The following CIT variants were observed in gnomAD, a reference collection of about 807,000 sequenced individuals.
The protein encoded by CIT is citron rho-interacting serine/threonine kinase, also known as citron Rho-interacting kinase.
CIT carries 79 observed loss-of-function variants against 272.7 expected under a neutral mutation model. The observed-to-expected ratio is 0.29, with a 90% CI of 0.24 to 0.35. The LOEUF is 0.35. CIT is among the 10% of genes least tolerant of loss of function. The pLI is 1.00. For synonymous variants in CIT, 948 were observed against 995.6 expected (o/e 0.95, Z 0.90); for missense variants, 1,909 against 2,618.3 (o/e 0.73, Z 5.91).
intron 28 of CIT, among the ~76,000 whole-genome samples, chr12:119,724,704 C>A (rs1337238068): frequency 6.6e-6 from 1 of 151,998 alleles, no homozygotes; most frequent in Non-Finnish European, 1.5e-5. Context: ...CTTTGGGAGG[C>A]CAAGGTGGGT....
chr12:119,700,688 T>C, intron 44 of CIT, 57 bp downstream of exon 44: 6 of 1,457,322 alleles, frequency 4.1e-6, no homozygotes, highest in Non-Finnish European at 4.8e-6. Flanking sequence ...GATGCAATTC[T>C]TTTCCAGGAC....
chr12:119,790,620 G>C (rs1391651399), intron 10 of CIT, among the ~76,000 whole-genome samples: 1 of 152,128 alleles, frequency 6.6e-6, no homozygotes, highest in African/African-American at 2.4e-5. Flanking sequence ...ACAGAGAAGA[G>C]AATATAAAAG....
intron 23 of CIT, among the ~76,000 whole-genome samples, chr12:119,746,114 C>T (rs1025051476): frequency 6.6e-6 from 1 of 152,170 alleles, no homozygotes; most frequent in Non-Finnish European, 1.5e-5. Flanking sequence ...ACACAACCCC[C>T]TTTAGTGTCT....
chr12:119,794,828 T>G (rs1965603006), intron 10 of CIT, among the ~76,000 whole-genome samples: 2 of 152,268 alleles, frequency 1.3e-5, no homozygotes, highest in South Asian at 4.1e-4. Context: ...AAATATGAAA[T>G]GAACACTCAT....
At chr12:119,734,516 G>A in intron 25 of CIT, 159 bp from the exon 26 acceptor site, 1 of 735,032 alleles carries the variant, frequency 1.4e-6, no homozygotes, top group Non-Finnish European at 2.3e-6. Flanking sequence ...AGGCAAGAAT[G>A]GATGAAGGGC....
chr12:119,838,034 C>T (rs1969129666), intron 5 of CIT, among the ~76,000 whole-genome samples: 1 of 152,148 alleles, frequency 6.6e-6, no homozygotes, highest in African/African-American at 2.4e-5. Context: ...TCCCCGACTC[C>T]ATAAAGCTGA....
At chr12:119,757,887 A>C (rs278137) in intron 21 of CIT, among the ~76,000 whole-genome samples, 128,543 of 152,064 alleles carry the variant, frequency 0.85, 54,811 homozygotes, top group African/African-American at 0.93. Flanking sequence ...CCTTAGATTA[A>C]TGTACAAGGG....
chr12:119,854,774 C>CA (rs1346346181), intron 4 of CIT, among the ~76,000 whole-genome samples: 1 of 140,012 alleles, frequency 7.1e-6, no homozygotes, highest in Non-Finnish European at 1.6e-5. Context: ...CATGGTGAAA[C>CA]CCCCCCTCTG....
At chr12:119,700,969 T>C (rs890162267) in intron 43 of CIT, 144 bp from the exon 44 acceptor site, 2 of 518,452 alleles carry the variant, frequency 3.9e-6, no homozygotes, top group African/African-American at 3.9e-5. Context: ...GGCCCTCTGC[T>C]GAGCCAGCTC....
chr12:119,832,951 CTTTG>C (rs1968748243), intron 6 of CIT, 87 bp from the exon 7 acceptor site: 1 of 949,612 alleles, frequency 1.1e-6, no homozygotes, highest in African/African-American at 1.6e-5. Context: ...AGCCAAAAAT[CTTTG>C]TTTATGTATT....
intron 10 of CIT, among the ~76,000 whole-genome samples, chr12:119,799,127 G>A (rs1965979084): frequency 6.6e-6 from 1 of 152,110 alleles, no homozygotes; most frequent in Non-Finnish European, 1.5e-5. Context: ...AAGTCCCAGG[G>A]CCTGGGAAGC....
At position 119,710,890 on chromosome 12, in the gene CIT, G is replaced by T; in HGVS notation, c.4855-270C>A. 2 of 635,176 alleles carry T rather than the reference G, an allele frequency of 3.1e-6. No homozygotes were observed. Among genetic ancestry groups the T allele is most frequent in the Non-Finnish European group, 5.1e-6 (2 of 391,524 alleles). 39.3% of individuals were successfully genotyped at this position (635,176 alleles called of 1,614,324 possible). On this transcript the variant is annotated intron_variant, in intron 37 of 47. Transcript: ENST00000392521. This position sits in a 1 kb window ranked among gnomAD's most constrained non-coding sequence, Gnocchi z 5.6. ...AGAAATAAGGGAGGGTAGTAGACAT[G>T]GAAAGCTATTCTGTAATAAGAAATA...
At chr12:119,787,763 A>C (rs868609113) in intron 10 of CIT, among the ~76,000 whole-genome samples, 1 of 49,834 alleles carries the variant, frequency 2.0e-5, no homozygotes, top group African/African-American at 5.1e-5. Flanking sequence ...AATAAATTTA[A>C]AAAAAAAAGA....
chr12:119,693,525 G>C (rs994464874), intron 46 of CIT, among the ~76,000 whole-genome samples: 1 of 152,152 alleles, frequency 6.6e-6, no homozygotes, highest in Admixed American at 6.5e-5. Flanking sequence ...AAGGTGCCTG[G>C]CCACCTATCC....
chr12:119,858,385 T>G (rs1950231161), intron 3 of CIT, among the ~76,000 whole-genome samples: 1 of 151,738 alleles, frequency 6.6e-6, no homozygotes, highest in African/African-American at 2.4e-5. Flanking sequence ...GGTGTTGTGG[T>G]GCACGCCTGT....
rs926281458 is a variant in CIT at position 119,728,981 on chromosome 12, C to T, written c.3487-375G>A. On this transcript the variant is annotated intron_variant, in intron 27 of 47. Coordinates refer to ENST00000392521, the MANE Select transcript of CIT (RefSeq NM_001206999.2). The surrounding 1 kb of genome is among the most constrained non-coding windows in gnomAD (Gnocchi z 4.3). ...GATAACCAAGCTCTCAAGGATCTTA[C>T]GTCAAGTCAGAAAGGCCCATAACTA... Among the ~76,000 whole-genome samples the T allele has an allele frequency of 3.9e-5, 6 of 152,152 alleles. No homozygotes were observed. The highest frequency in any genetic ancestry group is 7.2e-5 in the African/African-American group (3 of 41,438).
At position 119,822,877 on chromosome 12, in the gene CIT, C is replaced by T. The variant is rs779191181; in HGVS notation, c.1054G>A (p.Glu352Lys). 63 of 1,614,164 alleles carry T rather than the reference C, an allele frequency of 3.9e-5. 1 individual carries two copies. In the South Asian group the frequency reaches 6.5e-4, roughly 17 times the overall value. Residue 352 changes from glutamate (E) to lysine (K), a missense_variant, in exon 9 of 48, where the codon GAA (glutamate) becomes AAA (lysine). Glu to Lys is a moderately conservative substitution (Grantham distance 56). Coordinates refer to ENST00000392521, the MANE Select transcript of CIT (RefSeq NM_001206999.2). Reference protein sequence around the residue: ...LCGQKERLKFEGLCCHPFFSK... With the variant: ...LCGQKERLKFKGLCCHPFFSK... Reference sequence around the variant, plus strand: ...AAGAAAGGATGGCAGCAAAGACCTTCAAACTTCAGTCTCTCTTTCTGGCCG... The same window carrying T: ...AAGAAAGGATGGCAGCAAAGACCTTTAAACTTCAGTCTCTCTTTCTGGCCG...
intron 3 of CIT, among the ~76,000 whole-genome samples, chr12:119,862,967 AGACGAGGCCGGCG>A (rs2138351748): frequency 6.7e-6 from 1 of 149,518 alleles, no homozygotes; most frequent in South Asian, 2.1e-4. Flanking sequence ...TTTGGGAAAA[AGACGAGGCCGGCG>A]GATCACAAGG....
intron 10 of CIT, among the ~76,000 whole-genome samples, chr12:119,787,419 A>G (rs1398211792): frequency 7.2e-6 from 1 of 138,662 alleles, no homozygotes; most frequent in Non-Finnish European, 1.5e-5. Flanking sequence ...TAACACAGCA[A>G]GACCTTGTCT....
Sources: gnomAD v4.1 joint callset for allele counts (sites outside exome capture counted in the v4.1 genomes callset) on GRCh38, gnomAD v4.1.1 for gene constraint, Gnocchi (gnomAD v3.1) non-coding constraint, MANE v1.5 for transcripts, NCBI Gene and HGNC (gene_info 2026-07-23, HGNC 2026-07-21) for gene names.